ATR: variants seen among roughly 807,000 people sequenced by gnomAD.
The protein encoded by ATR is ATR checkpoint kinase.
In ATR, 142 loss-of-function variants were observed where a neutral mutation model predicts 305.3. That is an observed-to-expected ratio of 0.47 (90% CI 0.41 to 0.53). The LOEUF (loss-of-function observed/expected upper bound fraction) is 0.53, where lower values mean the gene tolerates loss of function less well. Ranked by LOEUF, ATR falls within the 20% of genes least tolerant of loss-of-function variation. The pLI, the probability that ATR is intolerant of heterozygous loss-of-function variation, is 0.00. For synonymous variants in ATR, 1,050 were observed against 1,068.1 expected (o/e 0.98, Z 0.33); for missense variants, 2,135 against 3,133.1 (o/e 0.68, Z 7.60).
rs2070734519 is a variant in ATR at position 142,449,572 on chromosome 3, G to A, written c.7792C>T (p.Arg2598Ter). The change falls in exon 47 of 47, where the codon CGA becomes TGA. Residue 2598 changes from arginine (R) to a stop codon, truncating the protein, a stop_gained. Coordinates refer to ENST00000350721, the MANE Select transcript of ATR (RefSeq NM_001184.4). LOFTEE classifies it high-confidence loss of function. ...CGAGTCTTGATTACACCTTGTAGTCGCTGCTCAATGTCAAGAACATGGGTC... is the reference window on the plus strand; with the variant it reads ...CGAGTCTTGATTACACCTTGTAGTCACTGCTCAATGTCAAGAACATGGGTC... The part of the protein sequence containing the change: ...AKTHVLDIEQ[R>*]LQGVIKTRNR... 5 of 1,614,058 alleles carry A rather than the reference G, an allele frequency of 3.1e-6. No individual in the cohort carries two copies. The highest frequency in any genetic ancestry group is 4.2e-6 in the Non-Finnish European group (5 of 1,179,984).
Position 142,578,694 on chromosome 3 carries a change from T to C in ATR, c.11A>G (p.His4Arg), listed in dbSNP as rs561216130. Residue 4 changes from histidine to arginine, a missense_variant, in exon 1 of 47, where the codon CAT (histidine) becomes CGT (arginine). His to Arg is a conservative substitution (Grantham distance 29). Coordinates refer to ENST00000350721, the MANE Select transcript of ATR (RefSeq NM_001184.4). The stretch of plus-strand genomic sequence containing the variant: ...GATCATGGAAGCCAGCTCCAGGCCA[T>C]GTTCCCCCATGCTGAGGCTGCGAGG... MGEHGLELASMIPA... is the reference protein window; with the variant it reads MGERGLELASMIPA... 18 of 1,613,306 alleles carry C rather than the reference T, an allele frequency of 1.1e-5. No homozygotes were observed. Among genetic ancestry groups the C allele is most frequent in the South Asian group, 5.5e-5 (5 of 90,714 alleles).
At chr3:142,523,617 C>T (rs912848350) in intron 22 of ATR, among the ~76,000 whole-genome samples, 1 of 151,950 alleles carries the variant, frequency 6.6e-6, no homozygotes, top group South Asian at 2.1e-4. Flanking sequence ...TAATTTTGTT[C>T]TATATGGAGT....
chr3:142,540,852 T>C (rs2108437473), intron 18 of ATR, 52 bp downstream of exon 18: 1 of 1,538,716 alleles, frequency 6.5e-7, no homozygotes, highest in Non-Finnish European at 8.8e-7. Context: ...AAGTTAGTGC[T>C]ACTGGAAAAT....
At chr3:142,560,480 A>C (rs766043539) in intron 5 of ATR, 26 bp from the exon 6 acceptor site, 1 of 1,558,272 alleles carries the variant, frequency 6.4e-7, no homozygotes, top group Non-Finnish European at 8.8e-7. Flanking sequence ...TAGTAGAGAG[A>C]TATTCATATG....
rs893401695 is a variant in ATR, at chr3:142,560,303, C to T, written c.1501G>A (p.Ala501Thr). The T allele has an allele frequency of 1.2e-6, 2 of 1,613,824 alleles. No individual in the cohort carries two copies. Among genetic ancestry groups the T allele is most frequent in the African/African-American group, 2.7e-5 (2 of 74,902 alleles). Reference protein sequence around the residue: ...EGIAVVLQLTALCTVHCSHQN... With the variant: ...EGIAVVLQLTTLCTVHCSHQN... ...TGAGAACAATGAACAGTACACAGAG[C>T]AGTCAGTTGTAAGACAACAGCAATT... The change falls in exon 6 of 47, where the codon GCT becomes ACT. Residue 501 changes from alanine (A) to threonine (T), a missense_variant. Physicochemically the swap from Ala to Thr is moderately conservative, Grantham distance 58. Around this residue, in one of 9 missense-constraint regions of ATR, gnomAD observed 744 missense variants for 873.2 expected, o/e 0.85. Transcript: ENST00000350721.
At chr3:142,542,256 G>C (rs972114750) in intron 17 of ATR, among the ~76,000 whole-genome samples, 2 of 152,180 alleles carry the variant, frequency 1.3e-5, no homozygotes, top group African/African-American at 4.8e-5. Context: ...CTCTTCAAAT[G>C]CTGGACTAGA....
At position 142,509,545 on chromosome 3, in the gene ATR, ATTTTTTTTTTTTT is replaced by A. The variant is rs71629538; in HGVS notation, c.4853-1449_4853-1437del. Among the ~76,000 whole-genome samples the A allele has an allele frequency of 4.9e-4, 36 of 73,818 alleles. No homozygotes were observed. In the South Asian group the frequency reaches 7.3e-3, roughly 15 times the overall value. The allele number at this position is 73,818 out of a possible 152,430, so 48.4% of individuals were successfully genotyped here. ...AATTTGTAGATGATTTCAAATTCTG[ATTTTTTTTTTTTT>A]TTTTTTTTTTTTTTTGGAGACAGGG... On this transcript the variant is annotated intron_variant, in intron 27 of 46. Transcript: ENST00000350721.
intron 1 of ATR, among the ~76,000 whole-genome samples, chr3:142,573,541 A>G (rs1306937522): frequency 6.6e-6 from 1 of 151,738 alleles, no homozygotes; most frequent in Non-Finnish European, 1.5e-5. Context: ...AAGTAGTTAC[A>G]TTTGCATATG....
chr3:142,520,661 G>C (rs1454374933), intron 23 of ATR, among the ~76,000 whole-genome samples: 1 of 151,934 alleles, frequency 6.6e-6, no homozygotes, highest in Non-Finnish European at 1.5e-5. Context: ...TGAGAGAGGA[G>C]AATAAGTTGC....
At chr3:142,499,841 T>C (rs2031861066) in intron 30 of ATR, 123 bp from the exon 31 acceptor site, 2 of 797,354 alleles carry the variant, frequency 2.5e-6, no homozygotes, top group East Asian at 5.7e-5. Flanking sequence ...TGTATTTTGT[T>C]CTTAGATATA....
intron 8 of ATR, among the ~76,000 whole-genome samples, chr3:142,557,637 A>T (rs911799950): frequency 6.6e-6 from 1 of 152,212 alleles, no homozygotes; most frequent in Non-Finnish European, 1.5e-5. Flanking sequence ...GAATGAAATC[A>T]TAGAGGGACA....
At chr3:142,462,746 G>A (rs1428652547) in intron 41 of ATR, among the ~76,000 whole-genome samples, 1 of 152,136 alleles carries the variant, frequency 6.6e-6, no homozygotes, top group African/African-American at 2.4e-5. Context: ...GGGATTACAG[G>A]CATGAGCCAC....
chr3:142,561,384 T>G lies in ATR; in HGVS notation c.1208A>C (p.Glu403Ala), dbSNP rs760116189. ...AATCTCCTCAATGATTTCCATACTT[T>G]CCATTTTCAAAGCTGCATAAAGTGG... ...LGPLYAALKM[E>A]SMEIIEEIQC... The change falls in exon 5 of 47, where the codon GAA becomes GCA. Residue 403 changes from glutamate to alanine, a missense_variant. Physicochemically the swap from Glu to Ala is moderately radical, Grantham distance 107. Transcript: ENST00000350721. The G allele has an allele frequency of 3.1e-6, 5 of 1,614,064 alleles. No individual in the cohort carries two copies. The highest frequency in any genetic ancestry group is 3.3e-4 in the Middle Eastern group (2 of 6,058).
intron 31 of ATR, among the ~76,000 whole-genome samples, 174 bp downstream of exon 31, chr3:142,499,453 C>A (rs2031833219): frequency 6.6e-6 from 1 of 152,176 alleles, no homozygotes; most frequent in East Asian, 1.9e-4. Flanking sequence ...TGCCACCACG[C>A]CCAGCTAATT....
intron 23 of ATR, among the ~76,000 whole-genome samples, chr3:142,520,432 C>T (rs984836584): frequency 7.2e-5 from 11 of 152,124 alleles, no homozygotes; most frequent in African/African-American, 2.7e-4. Flanking sequence ...AGGTGTCTTG[C>T]ACCTAACAGC....
intron 13 of ATR, among the ~76,000 whole-genome samples, chr3:142,551,983 CA>C: frequency 6.6e-6 from 1 of 151,890 alleles, no homozygotes; most frequent in African/African-American, 2.4e-5. Context: ...AAGAAAAAAA[CA>C]AAAGTGGGCA....
At chr3:142,522,427 G>A (rs1334749690) in intron 23 of ATR, among the ~76,000 whole-genome samples, 1 of 152,050 alleles carries the variant, frequency 6.6e-6, no homozygotes, top group African/African-American at 2.4e-5. Flanking sequence ...TAGTTTTAGA[G>A]CTGTGAACAT....
At chr3:142,562,136 A>G (rs1312575345) in intron 4 of ATR, 96 bp downstream of exon 4, 1 of 1,278,432 alleles carries the variant, frequency 7.8e-7, no homozygotes, top group East Asian at 2.5e-5. Context: ...ACTATTAAAG[A>G]TATTCTATTT....
chr3:142,545,229 T>G (rs1259796146), intron 16 of ATR, among the ~76,000 whole-genome samples: 1 of 152,184 alleles, frequency 6.6e-6, no homozygotes, highest in Non-Finnish European at 1.5e-5. Flanking sequence ...GTAGTAAGTA[T>G]GTAAACAAAG....
Sources: gnomAD v4.1 joint callset for allele counts (sites outside exome capture counted in the v4.1 genomes callset) on GRCh38, gnomAD v4.1.1 for gene constraint, gnomAD v4.1.1 regional missense constraint, MANE v1.5 for transcripts, NCBI Gene and HGNC (gene_info 2026-07-23, HGNC 2026-07-21) for gene names.